Variants in EXOC7 observed in about 807,000 individuals in gnomAD.
The protein encoded by EXOC7 is exocyst complex component 7.
A neutral mutation model predicts 87.6 loss-of-function variants in EXOC7; 51 were observed. The ratio of observed to expected loss-of-function variants is 0.58; its 90% confidence interval spans 0.46 to 0.73. EXOC7 has a LOEUF of 0.73. Among genes scored for constraint, EXOC7 ranks in the 30% least tolerant of loss-of-function variants. EXOC7 has a pLI of 0.00. For missense variants in EXOC7, 744 were observed against 888.4 expected (o/e 0.84, Z 2.07); for synonymous variants, 327 against 357.1 (o/e 0.92, Z 0.95).
chr17:76,086,460 C>T (rs1005799735), intron 12 of EXOC7, among the ~76,000 whole-genome samples: 1 of 152,184 alleles, frequency 6.6e-6, no homozygotes, highest in Non-Finnish European at 1.5e-5. Context: ...TTCTACAAGG[C>T]CCCCTTTTTC....
Position 76,089,324 on chromosome 17 carries a change from G to C in EXOC7, c.902-4C>G, listed in dbSNP as rs1034994589. On this transcript the variant is annotated splice_region_variant and splice_polypyrimidine_tract_variant and intron_variant, in intron 7 of 18. Coordinates refer to ENST00000589210, the MANE Select transcript of EXOC7 (RefSeq NM_001013839.4). ...ACGTCCAGCATGTCATCTCTCCCTG[G>C]GGGATGGCACAACTCTTGAGCTGCT... is the stretch of plus-strand genomic sequence containing the variant. The C allele has an allele frequency of 1.9e-6, 3 of 1,613,818 alleles. No individual in the cohort carries two copies. Among genetic ancestry groups the C allele is most frequent in the Non-Finnish European group, 2.5e-6 (3 of 1,179,910 alleles).
chr17:76,097,408 T>G (rs1347724017), intron 5 of EXOC7, among the ~76,000 whole-genome samples: 1 of 151,934 alleles, frequency 6.6e-6, no homozygotes, highest in Non-Finnish European at 1.5e-5. Context: ...ACAGGTGGAT[T>G]AAAGAATAAA....
rs570901069 is a variant in EXOC7 at position 76,083,521 on chromosome 17, G to A, written c.*127C>T. 5.8e-6 allele frequency: 5 copies of A among 863,636 alleles called. No individual in the cohort carries two copies. The South Asian group carries it at 6.0e-5, about 10-fold the overall frequency. 53.5% of individuals were successfully genotyped at this position (863,636 alleles called of 1,614,324 possible). A position where few individuals can be genotyped will look rare whatever the true frequency, so the allele number is the denominator to read the frequency against. ...TAGGGGGCTCAGGGACACAGCTCCC[G>A]GAGGCGTGGAGACAGGTCTCTGTCC... On this transcript the variant is annotated 3_prime_UTR_variant, in exon 19 of 19. Transcript: ENST00000589210.
In EXOC7 at chr17:76,094,465, T is replaced by C; in HGVS notation, c.757A>G (p.Ile253Val). The change falls in exon 6 of 19, where the codon ATC becomes GTC. Residue 253 changes from isoleucine (I) to valine (V), a missense_variant. Transcript: ENST00000589210. The part of the protein sequence containing the change: ...SSSGVPYSPA[I>V]PNKRKDTPTK... Reference sequence around the variant, plus strand: ...GGTGTGTCTTTCCTCTTGTTGGGGATAGCAGGGGAGTAGGGAACCCCAGAG... The same window carrying C: ...GGTGTGTCTTTCCTCTTGTTGGGGACAGCAGGGGAGTAGGGAACCCCAGAG... The C allele has an allele frequency of 6.2e-7, 1 of 1,614,066 alleles. No individual in the cohort carries two copies. Among genetic ancestry groups the C allele is most frequent in the African/African-American group, 1.3e-5 (1 of 75,030 alleles).
chr17:76,087,907 G>T, intron 11 of EXOC7, 153 bp downstream of exon 11: 1 of 969,940 alleles, frequency 1.0e-6, no homozygotes, highest in Non-Finnish European at 1.6e-6. Flanking sequence ...CACTAAACAT[G>T]TCACTGTCCA....
intron 8 of EXOC7, 58 bp downstream of exon 8, chr17:76,089,117 G>A: frequency 6.2e-7 from 1 of 1,605,274 alleles, no homozygotes; most frequent in Non-Finnish European, 8.5e-7. Flanking sequence ...GGCTGCAAGA[G>A]TCTGTTGTGA....
At chr17:76,099,215 ATG>A (rs1420713923) in intron 4 of EXOC7, among the ~76,000 whole-genome samples, 1 of 152,094 alleles carries the variant, frequency 6.6e-6, no homozygotes, top group African/African-American at 2.4e-5. Flanking sequence ...GCTAAAGAAA[ATG>A]TGGTCTGGCT....
At chr17:76,087,759 G>A in intron 11 of EXOC7, 39 bp from the exon 12 acceptor site, 1 of 1,547,404 alleles carries the variant, frequency 6.5e-7, no homozygotes, top group Non-Finnish European at 8.7e-7. Flanking sequence ...GCAAGTGGCA[G>A]GCCCGGCCGA....
rs1272201113 is a variant in EXOC7 at position 76,103,645 on chromosome 17, G to C, written c.48C>G (p.Asp16Glu). The C allele has an allele frequency of 1.2e-6, 2 of 1,613,488 alleles. No homozygotes were observed. The highest frequency in any genetic ancestry group is 1.7e-4 in the Middle Eastern group (1 of 6,060). ...EASARRREIE[D>E]KLKQEEETLS... ...GGCCCACGCCCACCTGCTTCAGCTT[G>C]TCCTCAATCTCCCGCCGTCGAGCGG... Residue 16 changes from aspartate (D) to glutamate (E), a missense_variant, in exon 1 of 19, where the codon GAC becomes GAG. By Grantham distance (45) the Asp-to-Glu change is conservative (BLOSUM62 2). Around this residue, in one of 3 missense-constraint regions of EXOC7, gnomAD observed 512 missense variants for 573.0 expected, o/e 0.89. Transcript: ENST00000589210.
Position 76,083,440 on chromosome 17 carries a change from GAGA to G in EXOC7, c.*205_*207del. 1.7e-6 allele frequency: 1 copy of G among 582,346 alleles called. No homozygotes were observed. Among genetic ancestry groups the G allele is most frequent in the Admixed American group, 3.0e-5 (1 of 33,832 alleles). The allele number at this position is 582,346 out of a possible 1,614,324, so 36.1% of individuals were successfully genotyped here. On this transcript the variant is annotated 3_prime_UTR_variant, in exon 19 of 19. Coordinates refer to ENST00000589210, the MANE Select transcript of EXOC7 (RefSeq NM_001013839.4). Reference sequence around the variant, plus strand: ...GTGTGGAGGGACCCCAGGCTTCCGGGAGAGTGCTGGTTCGGCTGGGAACACGGG... The same window carrying G: ...GTGTGGAGGGACCCCAGGCTTCCGGGGTGCTGGTTCGGCTGGGAACACGGG...
At position 76,094,424 on chromosome 17, in the gene EXOC7, G is replaced by A. The variant is rs756675936; in HGVS notation, c.798C>T (p.Val266=). 6.2e-7 allele frequency: 1 copy of A among 1,613,248 alleles called. No individual in the cohort carries two copies. The highest frequency in any genetic ancestry group is 8.5e-7 in the Non-Finnish European group (1 of 1,179,536). ...AGGATGGGGGCTCACCTGGCCGCTT[G>A]ACTGGCTTCTTGGTAGGTGTGTCTT... ...KRKDTPTKKP[V]KRPGTIRKAQ... Residue 266 remains valine (V), a synonymous_variant, in exon 6 of 19, where the codon GTC becomes GTT. Transcript: ENST00000589210.
intron 5 of EXOC7, 86 bp downstream of exon 5, chr17:76,097,703 CAAAAAAA>C (rs57781252): frequency 3.1e-3 from 995 of 317,132 alleles, no homozygotes; most frequent in East Asian, 4.2e-3. Context: ...GACTCCATCT[CAAAAAAA>C]AAAAAAAAAA....
chr17:76,098,425 T>C (rs1350957726), intron 4 of EXOC7, among the ~76,000 whole-genome samples: 1 of 151,370 alleles, frequency 6.6e-6, no homozygotes, highest in African/African-American at 2.4e-5. Context: ...CATGAGCCAC[T>C]GCACCTGGCC....
intron 5 of EXOC7, 42 bp from the exon 6 acceptor site, chr17:76,094,623 T>A (rs1253748212): frequency 1.3e-6 from 2 of 1,577,608 alleles, no homozygotes; most frequent in Non-Finnish European, 1.7e-6. Context: ...TGCCAGGCCC[T>A]GTCTCTGCCT....
Position 76,081,189 on chromosome 17 carries a change from C to T in EXOC7, c.*2459G>A, listed in dbSNP as rs113423076. 1,607 of 1,555,194 alleles carry T rather than the reference C, an allele frequency of 1.0e-3. 12 individuals are homozygous for T. The African/African-American group carries it at 0.019, about 19-fold the overall frequency. On this transcript the variant is annotated 3_prime_UTR_variant, in exon 19 of 19. Transcript: ENST00000589210. ...CCTGCCAAAAGCCATCAAAAGTCTC[C>T]ATCACCCCTGGGCTCCAGTCTGCTA...
chr17:76,086,776 C>T (rs2067231160), intron 12 of EXOC7: 11 of 1,341,070 alleles, frequency 8.2e-6, no homozygotes, highest in Non-Finnish European at 1.1e-5. Context: ...CCAGTAGGTA[C>T]TGAGAGTCAG....
chr17:76,083,774 G>A lies in EXOC7; in HGVS notation c.1953-24C>T, dbSNP rs201634192. 34 of 1,605,546 alleles carry A rather than the reference G, an allele frequency of 2.1e-5. No individual in the cohort carries two copies. In the East Asian group the frequency reaches 4.0e-4, roughly 19 times the overall value. On this transcript the variant is annotated intron_variant, in intron 18 of 18. Coordinates refer to ENST00000589210, the MANE Select transcript of EXOC7 (RefSeq NM_001013839.4). Reference sequence around the variant, plus strand: ...ACCTGAGGAGGCACTGTGGTCAGGGGACAGGGAGGGCCGACCCCTCCCCAG... The same window carrying A: ...ACCTGAGGAGGCACTGTGGTCAGGGAACAGGGAGGGCCGACCCCTCCCCAG...
At position 76,085,344 on chromosome 17, in the gene EXOC7, A is replaced by C. The variant is rs779548875; in HGVS notation, c.1682T>G (p.Ile561Ser). 6.2e-7 allele frequency: 1 copy of C among 1,608,410 alleles called. No homozygotes were observed. The highest frequency in any genetic ancestry group is 8.5e-7 in the Non-Finnish European group (1 of 1,178,070). ...KTAERSYREH[I>S]EQQIQTYQRS... ...CTGGTAGGTCTGGATCTGCTGCTCA[A>C]TGTGCTCCCGGTAGGAGCGCTCAGC... Residue 561 changes from isoleucine (I) to serine (S), a missense_variant, in exon 15 of 19, where the codon ATT becomes AGT. Ile to Ser is a moderately radical substitution (Grantham distance 142). Coordinates refer to ENST00000589210, the MANE Select transcript of EXOC7 (RefSeq NM_001013839.4).
chr17:76,090,944 C>G, intron 7 of EXOC7, 199 bp downstream of exon 7: 1 of 613,360 alleles, frequency 1.6e-6, no homozygotes, highest in Admixed American at 2.9e-5. Flanking sequence ...GAGCTGCCAT[C>G]AGCCAGAGAG....
Sources: allele counts gnomAD v4.1 joint callset (sites outside exome capture counted in the v4.1 genomes callset), GRCh38; gene constraint gnomAD v4.1.1; regional missense constraint gnomAD v4.1.1; transcripts MANE v1.5; gene names NCBI Gene and HGNC (gene_info 2026-07-23, HGNC 2026-07-21).